ENTHD1: variants seen among roughly 807,000 people sequenced by gnomAD.
ENTHD1 encodes the protein ENTH domain containing 1, also known as ENTH domain-containing protein 1.
Under a neutral mutation model 39.1 loss-of-function variants are expected in ENTHD1, and 23 were observed. That is an observed-to-expected ratio of 0.59 (90% CI 0.42 to 0.83). The LOEUF (loss-of-function observed/expected upper bound fraction) is 0.83, where lower values mean the gene tolerates loss of function less well. Among genes scored for constraint, ENTHD1 ranks in the 40% least tolerant of loss-of-function variants. The pLI is 0.00. For synonymous variants in ENTHD1, 230 were observed against 258.2 expected, an observed-to-expected ratio of 0.89 and a Z score of 1.05; for missense variants, 624 against 705.4, an observed-to-expected ratio of 0.88 and a Z score of 1.31.
At position 39,791,249 on chromosome 22, in the gene ENTHD1, T is replaced by C. The variant is rs1391889335; in HGVS notation, c.833-25640A>G. Among the ~76,000 whole-genome samples the C allele has an allele frequency of 9.5e-5, 14 of 147,942 alleles. No homozygotes were observed. In the Admixed American group the frequency reaches 9.5e-4, roughly 10 times the overall value. ...ATTTAGACTATATAGTTTTAGAGTATATTTAGACTATAGTCTAGACTATAT... is the reference window on the plus strand; with the variant it reads ...ATTTAGACTATATAGTTTTAGAGTACATTTAGACTATAGTCTAGACTATAT... On this transcript the variant is annotated intron_variant, in intron 5 of 6. Transcript: ENST00000325157.
In ENTHD1 at chr22:39,797,923, G is replaced by A. The variant is rs77308348; in HGVS notation, c.832+23070C>T. Reference sequence around the variant, plus strand: ...GTGTGTCATGAAGAAGACCTTTTGGGGTTGTATCTATTTGTGAATTTCTAA... The same window carrying A: ...GTGTGTCATGAAGAAGACCTTTTGGAGTTGTATCTATTTGTGAATTTCTAA... On this transcript the variant is annotated intron_variant, in intron 5 of 6. Coordinates refer to ENST00000325157, the MANE Select transcript of ENTHD1 (RefSeq NM_152512.4). Among the ~76,000 whole-genome samples, 546 of 152,020 alleles carry A rather than the reference G, an allele frequency of 3.6e-3. 5 individuals are homozygous for A. Among genetic ancestry groups the A allele is most frequent in the African/African-American group, 0.013 (520 of 41,458 alleles).
intron 3 of ENTHD1, among the ~76,000 whole-genome samples, chr22:39,843,218 C>G (rs2065958762): frequency 6.6e-6 from 1 of 152,120 alleles, no homozygotes; most frequent in East Asian, 1.9e-4. Flanking sequence ...CCCAAATGTC[C>G]AACAATGATA....
At chr22:39,893,623 G>C (rs1379033602) in intron 1 of ENTHD1, 72 bp downstream of exon 1, 2 of 152,492 alleles carry the variant, frequency 1.3e-5, no homozygotes, top group Admixed American at 1.3e-4. Context: ...CAAGAAACGG[G>C]AGGAGGGAAG....
intron 3 of ENTHD1, 125 bp downstream of exon 3, chr22:39,861,640 G>T: frequency 1.3e-6 from 1 of 771,260 alleles, no homozygotes; most frequent in Non-Finnish European, 1.8e-6. Flanking sequence ...ATAGTATGAA[G>T]CCTAATATGG....
intron 2 of ENTHD1, among the ~76,000 whole-genome samples, chr22:39,886,198 T>C (rs1308519024): frequency 6.6e-6 from 1 of 151,914 alleles, no homozygotes. Flanking sequence ...CTATACGACA[T>C]CTGAAAAGAC....
intron 3 of ENTHD1, among the ~76,000 whole-genome samples, chr22:39,842,872 C>G (rs1472588823): frequency 1.4e-5 from 2 of 148,120 alleles, no homozygotes; most frequent in Non-Finnish European, 3.0e-5. Flanking sequence ...CTCATCATCA[C>G]TGGCCATCAG....
chr22:39,801,513 G>C (rs758171498), intron 5 of ENTHD1, among the ~76,000 whole-genome samples: 4 of 152,066 alleles, frequency 2.6e-5, no homozygotes, highest in Admixed American at 6.6e-5. Flanking sequence ...AAAATATTTA[G>C]AAAGGAAAAA....
intron 3 of ENTHD1, among the ~76,000 whole-genome samples, chr22:39,840,962 G>A (rs1012667628): frequency 4.6e-5 from 7 of 151,962 alleles, no homozygotes; most frequent in Non-Finnish European, 8.8e-5. Flanking sequence ...CCGTGGTCTC[G>A]ATCTGCTGTC....
At chr22:39,764,017 A>C (rs996132122) in intron 6 of ENTHD1, among the ~76,000 whole-genome samples, 3 of 152,222 alleles carry the variant, frequency 2.0e-5, no homozygotes, top group African/African-American at 7.2e-5. Flanking sequence ...TAGGCTATTC[A>C]GTATCAAAAA....
chr22:39,812,705 G>C lies in ENTHD1; in HGVS notation c.832+8288C>G, dbSNP rs368161159. On this transcript the variant is annotated intron_variant, in intron 5 of 6. Transcript: ENST00000325157. ...CGGAGCATCCAGAATGCCCGGAGTG[G>C]TAGCTAATGCTACATCACTAGCAGG... 6.6e-5 allele frequency among the ~76,000 whole-genome samples: 10 copies of C among 152,324 alleles called. No individual in the cohort carries two copies. In the South Asian group the frequency reaches 1.0e-3, roughly 16 times the overall value.
chr22:39,842,536 G>C (rs150801404), intron 3 of ENTHD1, among the ~76,000 whole-genome samples: 2 of 152,024 alleles, frequency 1.3e-5, no homozygotes. Flanking sequence ...CACCATTCAG[G>C]ACATAGGCAT....
chr22:39,884,013 A>C (rs1223694708), intron 2 of ENTHD1, among the ~76,000 whole-genome samples: 1 of 152,110 alleles, frequency 6.6e-6, no homozygotes, highest in Non-Finnish European at 1.5e-5. Context: ...TTGTACCCTG[A>C]AAACTACACA....
intron 6 of ENTHD1, among the ~76,000 whole-genome samples, chr22:39,759,177 T>C (rs1020645046): frequency 2.0e-5 from 3 of 152,202 alleles, no homozygotes; most frequent in African/African-American, 4.8e-5. Context: ...AATTGGCACA[T>C]GATTATCATT....
intron 5 of ENTHD1, among the ~76,000 whole-genome samples, chr22:39,773,659 T>C (rs1335807581): frequency 1.3e-5 from 2 of 152,192 alleles, no homozygotes; most frequent in Non-Finnish European, 2.9e-5. Flanking sequence ...CTGACAGATA[T>C]AATGCTTTAG....
chr22:39,747,487 C>G (rs2065114676), intron 6 of ENTHD1, among the ~76,000 whole-genome samples: 1 of 152,094 alleles, frequency 6.6e-6, no homozygotes, highest in African/African-American at 2.4e-5. Context: ...TTCTATACTT[C>G]TACACAATTC....
chr22:39,745,608 C>A (rs1046983314), intron 6 of ENTHD1, among the ~76,000 whole-genome samples: 32 of 152,162 alleles, frequency 2.1e-4, no homozygotes, highest in African/African-American at 7.7e-4. Flanking sequence ...ACTTCATCAG[C>A]ACATGGTCAA....
chr22:39,855,343 C>T (rs1024841044), intron 3 of ENTHD1, among the ~76,000 whole-genome samples: 1 of 152,148 alleles, frequency 6.6e-6, no homozygotes, highest in Non-Finnish European at 1.5e-5. Flanking sequence ...TACTGTTTTA[C>T]ATATTCAAAT....
chr22:39,890,768 C>T (rs963004689), intron 1 of ENTHD1, among the ~76,000 whole-genome samples: 16 of 152,042 alleles, frequency 1.1e-4, no homozygotes, highest in African/African-American at 3.6e-4. Flanking sequence ...TTAGAAAAAT[C>T]GCAAGGAAAA....
At chr22:39,845,883 T>C (rs1224365418) in intron 3 of ENTHD1, among the ~76,000 whole-genome samples, 1 of 152,138 alleles carries the variant, frequency 6.6e-6, no homozygotes, top group Non-Finnish European at 1.5e-5. Flanking sequence ...GCTTTTTTTT[T>C]CACTTTTACA....
Sources: allele counts gnomAD v4.1 joint callset (sites outside exome capture counted in the v4.1 genomes callset), GRCh38; gene constraint gnomAD v4.1.1; transcripts MANE v1.5; gene names NCBI Gene and HGNC (gene_info 2026-07-23, HGNC 2026-07-21).